MGME1: variants seen among roughly 807,000 people sequenced by gnomAD.
The protein encoded by MGME1 is mitochondrial genome maintenance exonuclease 1, also known as chromosome 20 open reading frame 72.
In MGME1, 22 loss-of-function variants were observed where a neutral mutation model predicts 33.0. The ratio of observed to expected loss-of-function variants is 0.67; its 90% CI spans 0.48 to 0.95. The LOEUF (loss-of-function observed/expected upper bound fraction) is 0.95. Among genes scored for constraint, MGME1 ranks in the 40% least tolerant of loss-of-function variants. The probability of loss-of-function intolerance (pLI) is 0.00; values close to 1 mark genes in which losing one functional copy is unlikely to be tolerated. For missense variants in MGME1, 383 were observed against 397.8 expected (o/e 0.96, Z 0.32); for synonymous variants, 133 against 144.0 (o/e 0.92, Z 0.55).
At chr20:17,987,931 T>C (rs2036194449) in intron 3 of MGME1, among the ~76,000 whole-genome samples, 1 of 152,088 alleles carries the variant, frequency 6.6e-6, no homozygotes, top group Non-Finnish European at 1.5e-5. Context: ...GGTGCACTTA[T>C]AGTCCCAGCT....
rs556821655 is a variant in MGME1, at chr20:17,990,259, A to G, written c.*150A>G. The G allele has an allele frequency of 1.4e-6, 1 of 732,908 alleles. No homozygotes were observed. The highest frequency in any genetic ancestry group is 1.8e-5 in the African/African-American group (1 of 56,266). 45.4% of individuals were successfully genotyped at this position (732,908 alleles called of 1,614,324 possible). A position where few individuals can be genotyped will look rare whatever the true frequency, so the allele number is the denominator to read the frequency against. ...TATTAATTTGTTGAAATGTGTTGTT[A>G]CCAAAAAGACTGAAAAGCCCCAAAG... is the stretch of plus-strand genomic sequence containing the variant. On this transcript the variant is annotated 3_prime_UTR_variant, in exon 5 of 5. Coordinates refer to ENST00000377710, the MANE Select transcript of MGME1 (RefSeq NM_052865.4).
chr20:17,971,864 T>A (rs2035737611), intron 2 of MGME1, among the ~76,000 whole-genome samples: 1 of 152,084 alleles, frequency 6.6e-6, no homozygotes, highest in Non-Finnish European at 1.5e-5. Context: ...GCCTGCTGAG[T>A]AGCTGGGACC....
rs1036121965 is a variant in MGME1, at chr20:17,970,208, C to G, written c.349C>G (p.Pro117Ala). ...ERSDKPNASD[P>A]SVPLKIPLQR... The stretch of plus-strand genomic sequence containing the variant: ...AAGTGATAAACCAAATGCAAGTGAT[C>G]CTTCAGTTCCTTTGAAAATCCCCTT... Residue 117 changes from proline (P) to alanine (A), a missense_variant, in exon 2 of 5, where the codon CCT becomes GCT. Pro to Ala is a conservative substitution (Grantham distance 27). Transcript: ENST00000377710. 1 of 1,614,164 alleles carries G rather than the reference C, an allele frequency of 6.2e-7. No homozygotes were observed. Among genetic ancestry groups the G allele is most frequent in the Non-Finnish European group, 8.5e-7 (1 of 1,180,040 alleles).
intron 2 of MGME1, among the ~76,000 whole-genome samples, chr20:17,975,206 T>C (rs558543515): frequency 1.3e-5 from 2 of 152,310 alleles, no homozygotes; most frequent in Admixed American, 6.5e-5. Context: ...TCAAAGTATA[T>C]TCTTAGGTTT....
chr20:17,969,668 G>T, intron 1 of MGME1, 133 bp from the exon 2 acceptor site: 1 of 546,628 alleles, frequency 1.8e-6, no homozygotes, highest in Non-Finnish European at 3.1e-6. Flanking sequence ...AATTTTTTTT[G>T]GAGGCAGGGT....
chr20:17,989,132 T>C (rs1211424029), intron 4 of MGME1, among the ~76,000 whole-genome samples: 1 of 148,602 alleles, frequency 6.7e-6, no homozygotes, highest in Non-Finnish European at 1.5e-5. Context: ...AAGCCTATAA[T>C]TCCAGCACTT....
Position 17,990,801 on chromosome 20 carries a change from T to G in MGME1, c.*692T>G, listed in dbSNP as rs2036281520. The G allele has an allele frequency of 6.6e-6, 1 of 152,248 alleles. No individual in the cohort carries two copies. The highest frequency in any genetic ancestry group is 1.5e-5 in the Non-Finnish European group (1 of 68,058). 9.4% of individuals were successfully genotyped at this position (152,248 alleles called of 1,614,324 possible). A position where few individuals can be genotyped will look rare whatever the true frequency, so the allele number is the denominator to read the frequency against. ...GAGGCCAGTTTGAACATCACAATTC[T>G]AAGTGTTTTAGTAACTATTTCTGGC... On this transcript the variant is annotated 3_prime_UTR_variant, in exon 5 of 5. Coordinates refer to ENST00000377710, the MANE Select transcript of MGME1 (RefSeq NM_052865.4).
At chr20:17,976,433 C>T (rs2035868629) in intron 3 of MGME1, among the ~76,000 whole-genome samples, 1 of 151,994 alleles carries the variant, frequency 6.6e-6, no homozygotes, top group Non-Finnish European at 1.5e-5. Context: ...CGAGATTTTT[C>T]AATCTCCCTA....
At chr20:17,979,492 C>G (rs1005597980) in intron 3 of MGME1, among the ~76,000 whole-genome samples, 3 of 149,816 alleles carry the variant, frequency 2.0e-5, no homozygotes, top group African/African-American at 7.4e-5. Context: ...GCTCACTGCA[C>G]GCTCCGCCTC....
intron 2 of MGME1, among the ~76,000 whole-genome samples, chr20:17,974,055 T>G (rs1321269966): frequency 9.1e-6 from 1 of 109,512 alleles, no homozygotes; most frequent in African/African-American, 3.7e-5. Flanking sequence ...TTGAGTCTCT[T>G]TGTGTGTTTT....
At chr20:17,988,906 A>G (rs957918216) in intron 4 of MGME1, among the ~76,000 whole-genome samples, 3 of 151,794 alleles carry the variant, frequency 2.0e-5, no homozygotes, top group Non-Finnish European at 2.9e-5. Flanking sequence ...CCTGGGCAAC[A>G]TAGTGAAACC....
intron 1 of MGME1, 127 bp from the exon 2 acceptor site, chr20:17,969,674 A>T: frequency 1.8e-6 from 1 of 566,736 alleles, no homozygotes. Flanking sequence ...TTTTGGAGGC[A>T]GGGTCTCGCT....
At chr20:17,987,188 A>G (rs57983994) in intron 3 of MGME1, among the ~76,000 whole-genome samples, 86 of 129,688 alleles carry the variant, frequency 6.6e-4, no homozygotes, top group African/African-American at 3.4e-3. Flanking sequence ...AAAAAAAAAA[A>G]AGAAGAACCA....
At chr20:17,975,533 G>A (rs2035839133) in intron 2 of MGME1, 151 bp from the exon 3 acceptor site, 3 of 619,568 alleles carry the variant, frequency 4.8e-6, no homozygotes, top group Non-Finnish European at 8.3e-6. Context: ...TCCAGCCTGG[G>A]CGACAGAGGG....
At chr20:17,977,975 AG>A (rs1252729218) in intron 3 of MGME1, among the ~76,000 whole-genome samples, 2 of 152,374 alleles carry the variant, frequency 1.3e-5, no homozygotes, top group East Asian at 3.9e-4. Context: ...TAAACCTTGA[AG>A]CTCTAGTTAA....
At chr20:17,976,382 C>T (rs1365723821) in intron 3 of MGME1, among the ~76,000 whole-genome samples, 1 of 152,154 alleles carries the variant, frequency 6.6e-6, no homozygotes, top group Non-Finnish European at 1.5e-5. Flanking sequence ...CCTTGGTTTC[C>T]CAAAGTGCTG....
At chr20:17,986,909 G>T (rs6136249) in intron 3 of MGME1, among the ~76,000 whole-genome samples, 1 of 151,354 alleles carries the variant, frequency 6.6e-6, no homozygotes, top group Non-Finnish European at 1.5e-5. Context: ...AATATAACAT[G>T]GTGGCTCACA....
At chr20:17,974,593 T>C (rs547625460) in intron 2 of MGME1, among the ~76,000 whole-genome samples, 2 of 152,184 alleles carry the variant, frequency 1.3e-5, no homozygotes, top group Non-Finnish European at 2.9e-5. Context: ...TGTGTCCTAA[T>C]GAAATTTCTC....
At chr20:17,985,049 A>G (rs984244425) in intron 3 of MGME1, among the ~76,000 whole-genome samples, 165 of 151,306 alleles carry the variant, frequency 1.1e-3, no homozygotes, top group African/African-American at 3.8e-3. Context: ...AAAAAAAAAA[A>G]AAAAAAAAGA....
Sources: allele counts gnomAD v4.1 joint callset (sites outside exome capture counted in the v4.1 genomes callset), GRCh38; gene constraint gnomAD v4.1.1; transcripts MANE v1.5; gene names NCBI Gene and HGNC (gene_info 2026-07-23, HGNC 2026-07-21).